Variants in FAM110B observed in about 807,000 individuals in gnomAD.
The protein encoded by FAM110B is family with sequence similarity 110 member B.
FAM110B carries 6 observed loss-of-function variants against 20.4 expected under a neutral mutation model. The ratio of observed to expected loss-of-function variants is 0.29; its 90% confidence interval spans 0.16 to 0.58. The LOEUF (loss-of-function observed/expected upper bound fraction) is 0.58. Among genes scored for constraint, FAM110B ranks in the 20% least tolerant of loss-of-function variants. FAM110B has a pLI of 0.90. For synonymous variants in FAM110B, 226 were observed against 214.1 expected, an observed-to-expected ratio of 1.06 and a Z score of -0.49; for missense variants, 434 against 498.2, an observed-to-expected ratio of 0.87 and a Z score of 1.23.
intron 2 of FAM110B, among the ~76,000 whole-genome samples, chr8:58,060,480 T>C (rs1281172685): frequency 2.6e-5 from 4 of 152,000 alleles, no homozygotes; most frequent in Non-Finnish European, 5.9e-5. Context: ...TGAACTGAAA[T>C]TCCAATTAAT....
At chr8:58,038,959 T>A (rs1158738592) in intron 2 of FAM110B, among the ~76,000 whole-genome samples, 2 of 152,206 alleles carry the variant, frequency 1.3e-5, no homozygotes, top group African/African-American at 4.8e-5. Flanking sequence ...CGCTGTGCGG[T>A]GCCAGAAAGA....
intron 3 of FAM110B, among the ~76,000 whole-genome samples, chr8:58,129,309 G>A (rs1376815592): frequency 6.6e-6 from 1 of 152,170 alleles, no homozygotes; most frequent in Non-Finnish European, 1.5e-5. Flanking sequence ...GAATTAACAA[G>A]GTGATTACTG....
intron 3 of FAM110B, among the ~76,000 whole-genome samples, chr8:58,096,927 G>A (rs1040461977): frequency 1.3e-5 from 2 of 152,174 alleles, no homozygotes; most frequent in Non-Finnish European, 2.9e-5. Context: ...AGTCTGATGG[G>A]CTTCCCTTTG....
chr8:58,094,502 A>G (rs1472464355), intron 3 of FAM110B, among the ~76,000 whole-genome samples: 1 of 152,172 alleles, frequency 6.6e-6, no homozygotes, highest in Non-Finnish European at 1.5e-5. Context: ...ATCTATCGAG[A>G]TAATCATGTG....
intron 3 of FAM110B, among the ~76,000 whole-genome samples, chr8:58,100,582 A>G (rs554578044): frequency 6.6e-6 from 1 of 152,308 alleles, no homozygotes; most frequent in African/African-American, 2.4e-5. Flanking sequence ...TTTGCTGGCC[A>G]TCTTCGGTGT....
intron 1 of FAM110B, among the ~76,000 whole-genome samples, chr8:58,019,336 CAAAAAAAA>C (rs61622368): frequency 3.6e-4 from 28 of 78,374 alleles, no homozygotes; most frequent in African/African-American, 1.5e-3. Flanking sequence ...GACTCTGTCT[CAAAAAAAA>C]AAAAAAAAAA....
In FAM110B at chr8:58,146,464, C is replaced by T. The variant is rs879112430; in HGVS notation, c.234C>T (p.Ala78=). ...INAKQEPVKP[A]VLAKPPVCPA... ...CCAAGCAGGAGCCCGTGAAGCCCGC[C>T]GTGCTGGCCAAGCCCCCGGTGTGCC... Residue 78 remains alanine (A), a synonymous_variant, in exon 4 of 4, where the codon GCC becomes GCT. Transcript: ENST00000519262. 4.3e-6 allele frequency: 7 copies of T among 1,613,390 alleles called. No individual in the cohort carries two copies. The highest frequency in any genetic ancestry group is 5.1e-6 in the Non-Finnish European group (6 of 1,179,682).
intron 3 of FAM110B, among the ~76,000 whole-genome samples, chr8:58,094,753 G>T (rs909808530): frequency 6.6e-6 from 1 of 152,176 alleles, no homozygotes; most frequent in Non-Finnish European, 1.5e-5. Flanking sequence ...TGAGGATGAT[G>T]CTGTCCTCAT....
intron 2 of FAM110B, among the ~76,000 whole-genome samples, chr8:58,057,342 C>T (rs1805568012): frequency 1.3e-5 from 2 of 152,194 alleles, no homozygotes; most frequent in Admixed American, 6.5e-5. Context: ...CATGGACCTG[C>T]TCACTCATGT....
At chr8:58,134,033 T>A (rs1394113202) in intron 3 of FAM110B, among the ~76,000 whole-genome samples, 3 of 152,240 alleles carry the variant, frequency 2.0e-5, no homozygotes, top group African/African-American at 4.8e-5. Flanking sequence ...GATGAAAATA[T>A]GTGCTGCAAT....
rs75752100 is a variant in FAM110B at position 58,061,702 on chromosome 8, A to G, written c.-413-13833A>G. On this transcript the variant is annotated intron_variant, in intron 2 of 3. Transcript: ENST00000519262. Reference sequence around the variant, plus strand: ...CAGTTTCAGAGCTAATAGCATACACATGATAAAAGTAATATAGCAGTGAAA... The same window carrying G: ...CAGTTTCAGAGCTAATAGCATACACGTGATAAAAGTAATATAGCAGTGAAA... 2.7e-3 allele frequency among the ~76,000 whole-genome samples: 408 copies of G among 152,318 alleles called. 4 individuals are homozygous for G. Among genetic ancestry groups the G allele is most frequent in the African/African-American group, 9.5e-3 (393 of 41,566 alleles).
intron 3 of FAM110B, among the ~76,000 whole-genome samples, chr8:58,143,890 G>A (rs796416521): frequency 6.6e-6 from 1 of 152,204 alleles, no homozygotes; most frequent in Non-Finnish European, 1.5e-5. Flanking sequence ...TCTTCAGAGA[G>A]CGTTGGCCTA....
chr8:58,034,323 A>T (rs1378453683), intron 2 of FAM110B, among the ~76,000 whole-genome samples: 1 of 152,104 alleles, frequency 6.6e-6, no homozygotes, highest in Admixed American at 6.6e-5. Flanking sequence ...CTTCAGGAAA[A>T]CTTGGGCAGG....
chr8:57,999,676 T>C (rs1459272319), intron 1 of FAM110B, among the ~76,000 whole-genome samples: 1 of 152,208 alleles, frequency 6.6e-6, no homozygotes. Context: ...TAAACATCAG[T>C]CAGGAAAGAC....
chr8:58,032,360 A>T (rs1804981211), intron 2 of FAM110B: 2 of 152,384 alleles, frequency 1.3e-5, no homozygotes, highest in Middle Eastern at 3.4e-3. Flanking sequence ...AATTATTAAC[A>T]TAATGTAAAT....
chr8:58,037,747 C>T (rs1805114854), intron 2 of FAM110B, among the ~76,000 whole-genome samples: 1 of 152,098 alleles, frequency 6.6e-6, no homozygotes, highest in African/African-American at 2.4e-5. Flanking sequence ...TTAGTGGCAT[C>T]TCTTTTCAGT....
chr8:58,041,650 A>G (rs553397031), intron 2 of FAM110B, among the ~76,000 whole-genome samples: 43 of 152,312 alleles, frequency 2.8e-4, no homozygotes, highest in African/African-American at 9.4e-4. Flanking sequence ...CTGCATGGTA[A>G]AATTCACTCA....
rs1803898102 is a variant in FAM110B at position 58,147,600 on chromosome 8, G to A, written c.*257G>A. On this transcript the variant is annotated 3_prime_UTR_variant, in exon 4 of 4. Transcript: ENST00000519262. ...TAGGGCTTTGCTCGTAAGCAAAACTGTTTACATGAAAATGGTATACAACTT... is the reference window on the plus strand; with the variant it reads ...TAGGGCTTTGCTCGTAAGCAAAACTATTTACATGAAAATGGTATACAACTT... 6.2e-6 allele frequency: 3 copies of A among 485,762 alleles called. No homozygotes were observed. The highest frequency in any genetic ancestry group is 6.9e-5 in the South Asian group (2 of 29,154). The allele number at this position is 485,762 out of a possible 1,614,324, so 30.1% of individuals were successfully genotyped here.
At position 58,095,747 on chromosome 8, in the gene FAM110B, T is replaced by C. The variant is rs1806607614; in HGVS notation, c.-325+20124T>C. Among the ~76,000 whole-genome samples, 3 of 152,204 alleles carry C rather than the reference T, an allele frequency of 2.0e-5. No individual in the cohort carries two copies. In the South Asian group the frequency reaches 6.2e-4, roughly 32 times the overall value. ...TGGGGTGGAGAGTTCTGTAGCTGTC[T>C]ATTAGGTCTGCTTGGTCCAGAGCTG... On this transcript the variant is annotated intron_variant, in intron 3 of 3. Coordinates refer to ENST00000519262, the MANE Select transcript of FAM110B (RefSeq NM_001377989.1).
Sources: allele counts gnomAD v4.1 joint callset (sites outside exome capture counted in the v4.1 genomes callset), GRCh38; gene constraint gnomAD v4.1.1; transcripts MANE v1.5; gene names NCBI Gene and HGNC (gene_info 2026-07-23, HGNC 2026-07-21).